Variants in CTBP1 observed in about 807,000 individuals in gnomAD.
The protein encoded by CTBP1 is C-terminal binding protein 1.
A neutral mutation model predicts 42.1 loss-of-function variants in CTBP1; 11 were observed. The ratio of observed to expected loss-of-function variants is 0.26; its 90% CI spans 0.16 to 0.43. The LOEUF (loss-of-function observed/expected upper bound fraction) is 0.43. CTBP1 is among the 20% of genes least tolerant of loss of function. The pLI is 1.00. For synonymous variants in CTBP1, 324 were observed against 277.1 expected (o/e 1.17, Z -1.68); for missense variants, 399 against 624.3 (o/e 0.64, Z 3.85).
intron 1 of CTBP1, chr4:1,244,093 G>A (rs953789789): frequency 3.0e-5 from 30 of 985,174 alleles, no homozygotes; most frequent in Admixed American, 6.2e-5. Flanking sequence ...ATCAAGTCCC[G>A]GGGGGCTGCA....
chr4:1,218,756 C>G (rs1307108848), intron 5 of CTBP1, among the ~76,000 whole-genome samples: 1 of 152,100 alleles, frequency 6.6e-6, no homozygotes, highest in Non-Finnish European at 1.5e-5. Context: ...GAAGGCGTAT[C>G]CTAATCTCTA....
intron 8 of CTBP1, 41 bp downstream of exon 8, chr4:1,213,437 G>A (rs1324094689): frequency 1.2e-6 from 2 of 1,601,870 alleles, no homozygotes; most frequent in Middle Eastern, 1.8e-4. Context: ...GGGCTGGCAG[G>A]AAGGGACCCC....
intron 3 of CTBP1, among the ~76,000 whole-genome samples, chr4:1,230,804 C>T (rs546957055): frequency 1.3e-5 from 2 of 152,230 alleles, no homozygotes; most frequent in South Asian, 2.1e-4. Flanking sequence ...CTTCCTGCAT[C>T]GGCTCTTCCG....
chr4:1,239,190 A>C (rs1158161069), intron 2 of CTBP1, among the ~76,000 whole-genome samples: 2 of 152,228 alleles, frequency 1.3e-5, no homozygotes, highest in Non-Finnish European at 2.9e-5. Context: ...ATCGGGGCCA[A>C]CTGGAGAAAT....
intron 1 of CTBP1, chr4:1,244,165 C>T: frequency 1.0e-6 from 1 of 985,284 alleles, no homozygotes; most frequent in Non-Finnish European, 1.2e-6. Flanking sequence ...TCTCTGGATG[C>T]ACATCACCAT....
chr4:1,230,266 C>T (rs1451885286), intron 3 of CTBP1, among the ~76,000 whole-genome samples: 2 of 152,286 alleles, frequency 1.3e-5, no homozygotes, highest in East Asian at 3.9e-4. Context: ...CAGCAGTGGG[C>T]GACTGGTGCA....
intron 1 of CTBP1, chr4:1,241,852 G>A: frequency 8.7e-7 from 1 of 1,151,520 alleles, no homozygotes; most frequent in Non-Finnish European, 1.1e-6. Context: ...CAAGAACCAG[G>A]GGACGGAGGG....
chr4:1,222,618 G>A (rs1481211549), intron 5 of CTBP1, among the ~76,000 whole-genome samples: 2 of 152,160 alleles, frequency 1.3e-5, no homozygotes, highest in African/African-American at 4.8e-5. Flanking sequence ...GGCCTGGGCG[G>A]GGGCCCTGGC....
chr4:1,242,552 C>T (rs1732287974), intron 1 of CTBP1: 1 of 985,278 alleles, frequency 1.0e-6, no homozygotes, highest in African/African-American at 1.7e-5. Flanking sequence ...AGCATACATG[C>T]CGACCATCTC....
chr4:1,232,152 T>A (rs938731144), intron 3 of CTBP1, among the ~76,000 whole-genome samples: 13 of 152,248 alleles, frequency 8.5e-5, no homozygotes, highest in African/African-American at 2.9e-4. Context: ...GAAGCGATCC[T>A]CTGGCCTTGG....
chr4:1,249,070 G>A lies in CTBP1; in HGVS notation c.-343C>T. 1 of 364,390 alleles carries A rather than the reference G, an allele frequency of 2.7e-6. No individual in the cohort carries two copies. Among genetic ancestry groups the A allele is most frequent in the Non-Finnish European group, 3.8e-6 (1 of 265,688 alleles). The allele number at this position is 364,390 out of a possible 1,614,324, so 22.6% of individuals were successfully genotyped here. A position where few individuals can be genotyped will look rare whatever the true frequency, so the allele number is the denominator to read the frequency against. ...CTGCTCCGCCCGCCCGCCTGCGCCT[G>A]GCCGCCGCCGTGCCGAGTCTCCGCC... On this transcript the variant is annotated 5_prime_UTR_variant, in exon 1 of 10. Coordinates refer to ENST00000382952, the MANE Select transcript of CTBP1 (RefSeq NM_001012614.2).
intron 5 of CTBP1, among the ~76,000 whole-genome samples, chr4:1,220,018 A>G (rs1729557524): frequency 1.3e-5 from 2 of 152,340 alleles, no homozygotes; most frequent in East Asian, 1.9e-4. Flanking sequence ...CCTGGCCAAC[A>G]TGGCAAAAAC....
chr4:1,240,986 T>C (rs532170363), intron 2 of CTBP1, among the ~76,000 whole-genome samples: 36 of 152,250 alleles, frequency 2.4e-4, no homozygotes, highest in African/African-American at 4.8e-5. Flanking sequence ...GGTGGACACC[T>C]GAGATTTCCA....
At chr4:1,231,276 T>G (rs889031732) in intron 3 of CTBP1, 1 of 152,186 alleles carries the variant, frequency 6.6e-6, no homozygotes, top group African/African-American at 2.4e-5. Flanking sequence ...CCACCCCGCC[T>G]GTTGCATTGG....
chr4:1,219,928 C>T lies in CTBP1; in HGVS notation c.515-3723G>A, dbSNP rs111445414. Among the ~76,000 whole-genome samples the T allele has an allele frequency of 6.4e-3, 975 of 152,304 alleles. 9 individuals carry two copies. The highest frequency in any genetic ancestry group is 0.022 in the African/African-American group (914 of 41,546). Reference sequence around the variant, plus strand: ...ACCAACTGTCAAGAAACAATTAGGCCGGGCACAGTGGCTCATGCCTGTAAT... The same window carrying T: ...ACCAACTGTCAAGAAACAATTAGGCTGGGCACAGTGGCTCATGCCTGTAAT... On this transcript the variant is annotated intron_variant, in intron 5 of 9. Coordinates refer to ENST00000382952, the MANE Select transcript of CTBP1 (RefSeq NM_001012614.2).
chr4:1,241,219 T>C (rs954413767), intron 2 of CTBP1, 106 bp downstream of exon 2: 6 of 775,338 alleles, frequency 7.7e-6, no homozygotes, highest in Non-Finnish European at 1.4e-5. Context: ...CCGACGCCCA[T>C]GCAGCCCAGG....
intron 3 of CTBP1, among the ~76,000 whole-genome samples, chr4:1,232,600 C>T (rs1731070509): frequency 6.6e-6 from 1 of 152,256 alleles, no homozygotes; most frequent in South Asian, 2.1e-4. Flanking sequence ...GCGTGAGCTG[C>T]TGCACCCCAC....
chr4:1,212,305 C>A lies in CTBP1; in HGVS notation c.1225G>T (p.Ala409Ser). ...GLPPVAHPPHAPSPGQTVKPE... is the reference protein window; with the variant it reads ...GLPPVAHPPHSPSPGQTVKPE... ...TTGACGGTTTGGCCAGGAGAAGGGG[C>A]GTGGGGCGGGTGGGCCACAGGGGGC... Residue 409 changes from alanine (A) to serine (S), a missense_variant, in exon 10 of 10, where the codon GCC (alanine) becomes TCC (serine). Physicochemically the swap from Ala to Ser is moderately conservative, Grantham distance 99. This residue lies in a region of CTBP1 where 60 missense variants were observed against 46.5 expected (regional missense o/e 1.29). Coordinates refer to ENST00000382952, the MANE Select transcript of CTBP1 (RefSeq NM_001012614.2). The A allele has an allele frequency of 3.7e-6, 2 of 541,752 alleles. No individual in the cohort carries two copies. The highest frequency in any genetic ancestry group is 6.1e-6 in the Non-Finnish European group (2 of 326,348). The allele number at this position is 541,752 out of a possible 1,614,324, so 33.6% of individuals were successfully genotyped here. A position where few individuals can be genotyped will look rare whatever the true frequency, so the allele number is the denominator to read the frequency against.
At chr4:1,223,226 C>G (rs959665191) in intron 5 of CTBP1, among the ~76,000 whole-genome samples, 7 of 152,098 alleles carry the variant, frequency 4.6e-5, no homozygotes, top group African/African-American at 1.7e-4. Flanking sequence ...GGCCATGGCC[C>G]TGACATAGGA....
Sources: gnomAD v4.1 joint callset for allele counts (sites outside exome capture counted in the v4.1 genomes callset) on GRCh38, gnomAD v4.1.1 for gene constraint, gnomAD v4.1.1 regional missense constraint, MANE v1.5 for transcripts, NCBI Gene and HGNC (gene_info 2026-07-23, HGNC 2026-07-21) for gene names.